ANKRD42: variants seen among roughly 807,000 people sequenced by gnomAD.
ANKRD42 encodes the protein ankyrin repeat domain 42.
A neutral mutation model predicts 51.5 loss-of-function variants in ANKRD42; 43 were observed. That is an observed-to-expected ratio of 0.83 (90% CI 0.65 to 1.08). The LOEUF (loss-of-function observed/expected upper bound fraction) is 1.08, where lower values mean the gene tolerates loss of function less well. ANKRD42 is among the 50% of genes least tolerant of loss of function. The pLI, the probability that ANKRD42 is intolerant of heterozygous loss-of-function variation, is 0.00. For synonymous variants in ANKRD42, 203 were observed against 213.0 expected (o/e 0.95, Z 0.41); for missense variants, 608 against 629.3 (o/e 0.97, Z 0.36).
intron 7 of ANKRD42, among the ~76,000 whole-genome samples, chr11:83,234,129 ACTTC>A (rs1248833451): frequency 6.6e-6 from 1 of 152,104 alleles, no homozygotes; most frequent in African/African-American, 2.4e-5. Context: ...AAATTTTTCA[ACTTC>A]CTTCTTAATT....
chr11:83,245,421 CT>C (rs1863514911), intron 9 of ANKRD42, 76 bp from the exon 10 acceptor site: 1 of 1,450,860 alleles, frequency 6.9e-7, no homozygotes, highest in Non-Finnish European at 9.2e-7. Flanking sequence ...GAAGAATATG[CT>C]CAAGAATACC....
At chr11:83,210,489 A>G in intron 4 of ANKRD42, 70 bp downstream of exon 4, 5 of 1,559,022 alleles carry the variant, frequency 3.2e-6, no homozygotes, top group Non-Finnish European at 4.4e-6. Context: ...TAGTCTAGTT[A>G]TCTCTTCCTG....
At position 83,210,420 on chromosome 11, in the gene ANKRD42, G is replaced by A; in HGVS notation, c.450+1G>A. On this transcript the variant is annotated splice_donor_variant, in intron 4 of 10. Transcript: ENST00000533342. LOFTEE classifies it high-confidence loss of function. ...ACAAATAATGCTCCGAAGTGGAGTG[G>A]TGAGTGACTCCTGTTAATATGTGCT... The A allele has an allele frequency of 6.2e-7, 1 of 1,613,720 alleles. No individual in the cohort carries two copies. Among genetic ancestry groups the A allele is most frequent in the Non-Finnish European group, 8.5e-7 (1 of 1,179,712 alleles).
intron 11 of ANKRD42, chr11:83,255,768 TGA>T: frequency 8.8e-7 from 1 of 1,131,206 alleles, no homozygotes; most frequent in Non-Finnish European, 1.2e-6. Context: ...TTTTTTCTTT[TGA>T]ACAGGCAATG....
downstream of ANKRD42, among the ~76,000 whole-genome samples, chr11:83,256,599 T>C (rs937669579): frequency 1.3e-5 from 2 of 152,202 alleles, no homozygotes; most frequent in Non-Finnish European, 2.9e-5. Flanking sequence ...CAAAGATTTA[T>C]AACTCTTGGG....
At chr11:83,259,080 A>T (rs961778131), downstream of ANKRD42, 9 of 152,218 alleles carry the variant, frequency 5.9e-5, no homozygotes, top group African/African-American at 2.2e-4. Flanking sequence ...AAAAGTTTGG[A>T]TTAAGGTCAA....
Position 83,248,954 on chromosome 11 carries a change from T to C in ANKRD42, c.*750T>C, listed in dbSNP as rs116996630. ...CCAGTGGTTGATTTTCCAAGAAATA[T>C]AATTAACTATAATAATTAATCTATT... On this transcript the variant is annotated 3_prime_UTR_variant, in exon 11 of 11. Transcript: ENST00000533342. The C allele has an allele frequency of 1.8e-4, 180 of 983,078 alleles. 2 individuals carry two copies. The East Asian group carries it at 0.016, about 89-fold the overall frequency. 60.9% of individuals were successfully genotyped at this position (983,078 alleles called of 1,614,324 possible). A position where few individuals can be genotyped will look rare whatever the true frequency, so the allele number is the denominator to read the frequency against.
intron 7 of ANKRD42, among the ~76,000 whole-genome samples, chr11:83,234,416 TA>T (rs1478261129): frequency 6.6e-6 from 1 of 152,328 alleles, no homozygotes; most frequent in East Asian, 1.9e-4. Flanking sequence ...AACTTGGTCT[TA>T]AATCTTAATT....
chr11:83,245,153 C>T (rs1252846436), intron 9 of ANKRD42, among the ~76,000 whole-genome samples: 1 of 152,174 alleles, frequency 6.6e-6, no homozygotes, highest in East Asian at 1.9e-4. Flanking sequence ...ATCCACCCGC[C>T]TCGGCCTCCC....
Position 83,248,322 on chromosome 11 carries a change from C to G in ANKRD42, c.*118C>G. 14 of 1,421,164 alleles carry G rather than the reference C, an allele frequency of 9.9e-6. No individual in the cohort carries two copies. Among genetic ancestry groups the G allele is most frequent in the Non-Finnish European group, 1.3e-5 (14 of 1,095,342 alleles). 88.0% of individuals were successfully genotyped at this position (1,421,164 alleles called of 1,614,324 possible). On this transcript the variant is annotated 3_prime_UTR_variant, in exon 11 of 11. Coordinates refer to ENST00000533342, the MANE Select transcript of ANKRD42 (RefSeq NM_001300975.2). ...ACACACACACACACACACACACACA[C>G]ACACACACACACACTCTATATGTAA... is the stretch of plus-strand genomic sequence containing the variant.
At chr11:83,243,967 CTTTTTTTTTTT>C (rs66756456) in intron 9 of ANKRD42, among the ~76,000 whole-genome samples, 12 of 66,968 alleles carry the variant, frequency 1.8e-4, no homozygotes, top group African/African-American at 5.2e-4. Flanking sequence ...CCTGGCTGCC[CTTTTTTTTTTT>C]TTTTTTTTTT....
chr11:83,210,186 AC>A (rs1395365242), intron 3 of ANKRD42, 113 bp from the exon 4 acceptor site: 6 of 1,004,954 alleles, frequency 6.0e-6, no homozygotes, highest in Admixed American at 2.4e-5. Flanking sequence ...GTAAGAACAT[AC>A]ATAAGAATTT....
At chr11:83,213,724 AGT>A (rs965668689) in intron 5 of ANKRD42, 2 of 232,932 alleles carry the variant, frequency 8.6e-6, no homozygotes, top group African/African-American at 4.7e-5. Context: ...TGGCTGTTAG[AGT>A]GTGTCTTTTT....
At chr11:83,206,602 C>A (rs1285485027) in intron 3 of ANKRD42, among the ~76,000 whole-genome samples, 1 of 152,210 alleles carries the variant, frequency 6.6e-6, no homozygotes, top group Non-Finnish European at 1.5e-5. Flanking sequence ...AGAGAGCTAG[C>A]TCTCTAGCCT....
intron 8 of ANKRD42, among the ~76,000 whole-genome samples, chr11:83,237,105 T>C (rs1429446437): frequency 6.6e-6 from 1 of 152,216 alleles, no homozygotes; most frequent in Admixed American, 6.5e-5. Flanking sequence ...CTTACCATGT[T>C]CCAAGTTCTG....
At chr11:83,204,540 T>C (rs886668804) in intron 2 of ANKRD42, among the ~76,000 whole-genome samples, 1 of 152,058 alleles carries the variant, frequency 6.6e-6, no homozygotes, top group Non-Finnish European at 1.5e-5. Context: ...TGGTCACTAT[T>C]TGGGAGATGG....
chr11:83,241,686 C>A (rs1371170359), intron 9 of ANKRD42, among the ~76,000 whole-genome samples: 1 of 152,084 alleles, frequency 6.6e-6, no homozygotes, highest in Non-Finnish European at 1.5e-5. Flanking sequence ...TTTTAGATTT[C>A]GATTTTTATT....
chr11:83,210,448 TG>T (rs1253678471), intron 4 of ANKRD42, 29 bp downstream of exon 4: 1 of 1,611,992 alleles, frequency 6.2e-7, no homozygotes, highest in Non-Finnish European at 8.5e-7. Context: ...TATGTGCTAA[TG>T]TGTGATAATA....
chr11:83,251,983 A>G (rs1460413391), downstream of ANKRD42, among the ~76,000 whole-genome samples: 5 of 152,198 alleles, frequency 3.3e-5, no homozygotes, highest in African/African-American at 1.2e-4. Flanking sequence ...GTGTAGAAAA[A>G]CATATTTCCT....
Sources: allele counts gnomAD v4.1 joint callset (sites outside exome capture counted in the v4.1 genomes callset), GRCh38; gene constraint gnomAD v4.1.1; transcripts MANE v1.5; gene names NCBI Gene and HGNC (gene_info 2026-07-23, HGNC 2026-07-21).